RFC1: variants seen among roughly 807,000 people sequenced by gnomAD.
RFC1 encodes the protein A1 140 kDa subunit.
A neutral mutation model predicts 137.4 loss-of-function variants in RFC1; 37 were observed. The ratio of observed to expected loss-of-function variants is 0.27; its 90% CI spans 0.21 to 0.35. RFC1 has a LOEUF of 0.35. Ranked by LOEUF, RFC1 falls within the 10% of genes least tolerant of loss-of-function variation. RFC1 has a pLI of 1.00. For missense variants in RFC1, 1,205 were observed against 1,358.5 expected (o/e 0.89, Z 1.78); for synonymous variants, 429 against 455.7 (o/e 0.94, Z 0.75).
chr4:39,314,631 T>C (rs1325459166), intron 10 of RFC1, among the ~76,000 whole-genome samples: 1 of 152,014 alleles, frequency 6.6e-6, no homozygotes, highest in Non-Finnish European at 1.5e-5. Context: ...CATACCCATG[T>C]ACAGGAGGCA....
intron 23 of RFC1, among the ~76,000 whole-genome samples, chr4:39,291,082 C>T (rs979159079): frequency 6.6e-6 from 1 of 152,090 alleles, no homozygotes; most frequent in African/African-American, 2.4e-5. Context: ...TCTTCTAAAA[C>T]GCATTCATTA....
At chr4:39,347,808 C>T (rs1740933755) in intron 2 of RFC1, among the ~76,000 whole-genome samples, 1 of 152,130 alleles carries the variant, frequency 6.6e-6, no homozygotes, top group Non-Finnish European at 1.5e-5. Context: ...ATGTTAAAGG[C>T]CAACCTGGTA....
At chr4:39,341,428 A>T (rs1740598962) in intron 4 of RFC1, 1 of 359,770 alleles carries the variant, frequency 2.8e-6, no homozygotes, top group African/African-American at 2.1e-5. Flanking sequence ...CCACCTGCCC[A>T]TAACAAAGAA....
chr4:39,303,072 C>A lies in RFC1; in HGVS notation c.2190G>T (p.Arg730Ser). 1 of 1,611,974 alleles carries A rather than the reference C, an allele frequency of 6.2e-7. No homozygotes were observed. Among genetic ancestry groups the A allele is most frequent in the East Asian group, 2.2e-5 (1 of 44,862 alleles). The change falls in exon 16 of 25, where the codon AGG (arginine) becomes AGT (serine). Residue 730 changes from arginine (R) to serine (S), a missense_variant. Physicochemically the swap from Arg to Ser is moderately radical, Grantham distance 110 (BLOSUM62 -1). This residue lies in a region of RFC1 where 962 missense variants were observed against 1,035.3 expected (regional missense o/e 0.93). Transcript: ENST00000349703. The stretch of plus-strand genomic sequence containing the variant: ...GCACTTGAATTACCTGAATTCCTCC[C>A]CTATCCTCATTGCCTGCCATGCCAT... ...EVDGMAGNED[R>S]GGIQELIGLI...
chr4:39,322,930 C>A (rs1294106366), intron 7 of RFC1, among the ~76,000 whole-genome samples: 1 of 151,382 alleles, frequency 6.6e-6, no homozygotes, highest in Non-Finnish European at 1.5e-5. Context: ...CAAAAATATA[C>A]AAAAATTAGA....
At chr4:39,301,989 C>T (rs1421133816) in intron 19 of RFC1, among the ~76,000 whole-genome samples, 2 of 152,210 alleles carry the variant, frequency 1.3e-5, no homozygotes, top group Middle Eastern at 3.4e-3. Flanking sequence ...ATTCCAAACA[C>T]GAAAGCCAAA....
chr4:39,343,031 AT>A (rs760666083), intron 3 of RFC1, among the ~76,000 whole-genome samples: 7 of 150,738 alleles, frequency 4.6e-5, no homozygotes, highest in East Asian at 1.9e-4. Flanking sequence ...TAATCTCCCT[AT>A]TTTTTTTTCT....
At chr4:39,294,249 GA>G (rs1168422550) in intron 22 of RFC1, among the ~76,000 whole-genome samples, 1 of 152,120 alleles carries the variant, frequency 6.6e-6, no homozygotes, top group Non-Finnish European at 1.5e-5. Context: ...AATTTTACAG[GA>G]ACAGAAAAAA....
chr4:39,364,267 A>G (rs552031827), intron 1 of RFC1, among the ~76,000 whole-genome samples: 131 of 5,898 alleles, frequency 0.022, no homozygotes, highest in Non-Finnish European at 0.17. Context: ...AGTCTGAGGG[A>G]AAAAAAAAAA....
chr4:39,308,818 T>C lies in RFC1; in HGVS notation c.1703A>G (p.Lys568Arg), dbSNP rs149897970. ...QVAEETSGDS[K>R]ARNLADDSSE... Reference sequence around the variant, plus strand: ...GCTGTCATCAGCCAAATTCCTAGCCTTGCTGTCACCACTTGTCTCCTCAGC... The same window carrying C: ...GCTGTCATCAGCCAAATTCCTAGCCCTGCTGTCACCACTTGTCTCCTCAGC... The change falls in exon 13 of 25, where the codon AAG becomes AGG. Residue 568 changes from lysine to arginine, a missense_variant. Physicochemically the swap from Lys to Arg is conservative, Grantham distance 26. Coordinates refer to ENST00000349703, the MANE Select transcript of RFC1 (RefSeq NM_002913.5). 3 of 1,614,174 alleles carry C rather than the reference T, an allele frequency of 1.9e-6. No individual in the cohort carries two copies. The highest frequency in any genetic ancestry group is 2.5e-6 in the Non-Finnish European group (3 of 1,180,016).
chr4:39,360,364 G>C (rs534683257), intron 1 of RFC1, among the ~76,000 whole-genome samples: 1 of 151,984 alleles, frequency 6.6e-6, no homozygotes, highest in Non-Finnish European at 1.5e-5. Flanking sequence ...TTAGCCAGAC[G>C]TGGTGGCATA....
chr4:39,312,875 A>C lies in RFC1; in HGVS notation c.1260T>G (p.Ser420=). ...LIFVITGVLE[S]IERDEAKSLI... is the part of the protein sequence containing the mutation. ...GAGACTTGGCCTCATCTCGTTCAATAGACTCCAGCACGCCTGTGATTACAA... is the reference window on the plus strand; with the variant it reads ...GAGACTTGGCCTCATCTCGTTCAATCGACTCCAGCACGCCTGTGATTACAA... The change falls in exon 11 of 25, where the codon TCT becomes TCG. Residue 420 remains serine, a synonymous_variant. Coordinates refer to ENST00000349703, the MANE Select transcript of RFC1 (RefSeq NM_002913.5). 1 of 1,614,126 alleles carries C rather than the reference A, an allele frequency of 6.2e-7. No homozygotes were observed. The highest frequency in any genetic ancestry group is 8.5e-7 in the Non-Finnish European group (1 of 1,180,014).
chr4:39,326,901 A>AAAT, intron 5 of RFC1, among the ~76,000 whole-genome samples: 1 of 152,314 alleles, frequency 6.6e-6, no homozygotes, highest in South Asian at 2.1e-4. Context: ...ATAAAAATAA[A>AAAT]AAAACCCAAT....
chr4:39,295,093 G>C (rs1737912958), intron 22 of RFC1, among the ~76,000 whole-genome samples: 3 of 152,202 alleles, frequency 2.0e-5, no homozygotes, highest in Admixed American at 1.3e-4. Context: ...TGTACCAAAT[G>C]CAAGTATTTT....
chr4:39,345,390 G>A lies in RFC1; in HGVS notation c.208+11C>T. 6.2e-7 allele frequency: 1 copy of A among 1,610,550 alleles called. No homozygotes were observed. Among genetic ancestry groups the A allele is most frequent in the South Asian group, 1.1e-5 (1 of 90,826 alleles). On this transcript the variant is annotated intron_variant, in intron 3 of 24. Coordinates refer to ENST00000349703, the MANE Select transcript of RFC1 (RefSeq NM_002913.5). The stretch of plus-strand genomic sequence containing the variant: ...TTTAAAATTTTAAAGCTCCTCAGAA[G>A]AAATTATTACCTGAATCATAGATGA...
At chr4:39,337,033 T>C (rs1380921598) in intron 4 of RFC1, among the ~76,000 whole-genome samples, 1 of 152,200 alleles carries the variant, frequency 6.6e-6, no homozygotes, top group African/African-American at 2.4e-5. Context: ...TAGATTCTTC[T>C]ACTGGGCGGG....
intron 9 of RFC1, among the ~76,000 whole-genome samples, chr4:39,318,336 A>G (rs1183756428): frequency 6.6e-6 from 1 of 152,220 alleles, no homozygotes; most frequent in Non-Finnish European, 1.5e-5. Context: ...CCCACACCAC[A>G]TTCCCTGGGA....
intron 1 of RFC1, among the ~76,000 whole-genome samples, chr4:39,364,006 G>A (rs936582006): frequency 1.3e-5 from 2 of 150,298 alleles, no homozygotes; most frequent in African/African-American, 2.4e-5. Flanking sequence ...CTTGTACCCC[G>A]GAATTAGAGA....
At chr4:39,328,345 C>G (rs1739890757) in intron 4 of RFC1, among the ~76,000 whole-genome samples, 1 of 152,152 alleles carries the variant, frequency 6.6e-6, no homozygotes, top group Non-Finnish European at 1.5e-5. Context: ...TCCCTGCCCT[C>G]ATGGAACTTA....
Sources: gnomAD v4.1 joint callset for allele counts (sites outside exome capture counted in the v4.1 genomes callset) on GRCh38, gnomAD v4.1.1 for gene constraint, gnomAD v4.1.1 regional missense constraint, MANE v1.5 for transcripts, NCBI Gene and HGNC (gene_info 2026-07-23, HGNC 2026-07-21) for gene names.